MTMR8: variants seen among roughly 807,000 people sequenced by gnomAD.
The protein encoded by MTMR8 is myotubularin related protein 8.
In MTMR8, 65 loss-of-function variants were observed where a neutral mutation model predicts 39.3. The observed-to-expected ratio is 1.65, with a 90% CI of 1.35 to 2.03. The LOEUF is 2.03. Among genes scored for constraint, MTMR8 ranks in the 30% most tolerant of loss-of-function variants. The pLI is 0.00. For missense variants in MTMR8, 777 were observed against 538.9 expected, an observed-to-expected ratio of 1.44 and a Z score of -4.37; for synonymous variants, 245 against 185.2, an observed-to-expected ratio of 1.32 and a Z score of -2.62.
At chrX:64,306,274 C>G (rs943644493) in intron 12 of MTMR8, 1 of 323,550 alleles carries the variant, frequency 3.1e-6, no homozygotes, top group Non-Finnish European at 6.1e-6. Flanking sequence ...AAATGTGGCA[C>G]AGCATTGGAC....
chrX:64,346,285 A>G (rs1460262315), intron 6 of MTMR8, among the ~76,000 whole-genome samples: 1 of 111,497 alleles, frequency 9.0e-6, no homozygotes, highest in Non-Finnish European at 1.9e-5. Context: ...TTAAAAGAAT[A>G]CAAAAACCTC....
intron 12 of MTMR8, among the ~76,000 whole-genome samples, chrX:64,287,645 C>T (rs182813286): frequency 7.7e-4 from 84 of 109,708 alleles, no homozygotes; most frequent in African/African-American, 2.6e-3. Context: ...AGAACAGAGC[C>T]CTCAGAAATA....
intron 1 of MTMR8, among the ~76,000 whole-genome samples, chrX:64,393,789 G>T (rs1924753321): frequency 8.9e-6 from 1 of 112,164 alleles, no homozygotes; most frequent in Non-Finnish European, 1.9e-5. Context: ...CAGAAAAAAA[G>T]GTTAAAGGTT....
In MTMR8 at chrX:64,281,188, G is replaced by T. The variant is rs192844214; in HGVS notation, c.1482-10115C>A. Among the ~76,000 whole-genome samples, 17 of 111,521 alleles carry T rather than the reference G, an allele frequency of 1.5e-4. 1 individual carries two copies. The highest frequency in any genetic ancestry group is 4.9e-4 in the African/African-American group (15 of 30,742). ...ACTATTGACATTTTACATAGAATTA[G>T]AAATAACTACTTAAAAATTAATATG... On this transcript the variant is annotated intron_variant, in intron 12 of 13. Coordinates refer to ENST00000374852, the MANE Select transcript of MTMR8 (RefSeq NM_017677.4).
chrX:64,273,394 C>T (rs1340643941), intron 12 of MTMR8, among the ~76,000 whole-genome samples: 1 of 107,015 alleles, frequency 9.3e-6, no homozygotes, highest in Non-Finnish European at 1.9e-5. Flanking sequence ...ATGTAAGCCC[C>T]ATTGTAGTTA....
At chrX:64,383,462 A>T (rs1024713039) in intron 1 of MTMR8, among the ~76,000 whole-genome samples, 1 of 109,057 alleles carries the variant, frequency 9.2e-6, no homozygotes, top group Admixed American at 9.9e-5. Context: ...TATTATACAT[A>T]CATAATTTAT....
chrX:64,323,772 T>C (rs1922716918), intron 12 of MTMR8, among the ~76,000 whole-genome samples: 1 of 111,879 alleles, frequency 8.9e-6, no homozygotes. Context: ...TTCTGAAAAT[T>C]CACAAATACA....
intron 10 of MTMR8, among the ~76,000 whole-genome samples, chrX:64,332,217 G>A (rs899243836): frequency 1.8e-5 from 2 of 111,915 alleles, no homozygotes; most frequent in Non-Finnish European, 3.8e-5. Context: ...ATAGTGCCTG[G>A]CACAAAATAG....
At chrX:64,377,526 C>T (rs1006347248) in intron 1 of MTMR8, among the ~76,000 whole-genome samples, 1 of 112,595 alleles carries the variant, frequency 8.9e-6, no homozygotes, top group Non-Finnish European at 1.9e-5. Flanking sequence ...GGGTTTCAAA[C>T]TTGCATGGTG....
intron 1 of MTMR8, among the ~76,000 whole-genome samples, chrX:64,371,413 T>C (rs1196451071): frequency 8.9e-6 from 1 of 112,018 alleles, no homozygotes; most frequent in Non-Finnish European, 1.9e-5. Context: ...AATACTAGCA[T>C]GGTTGTGGTA....
At chrX:64,306,335 A>C (rs1016226650) in intron 12 of MTMR8, 6 of 280,406 alleles carry the variant, frequency 2.1e-5, no homozygotes, top group Admixed American at 1.7e-4. Context: ...TGTTTGTCAA[A>C]GCCCATGCAG....
At chrX:64,337,147 A>G in intron 9 of MTMR8, 121 bp downstream of exon 9, 1 of 734,986 alleles carries the variant, frequency 1.4e-6, no homozygotes, top group Non-Finnish European at 2.0e-6. Context: ...CTAAATTGGA[A>G]AAGCTATTTT....
chrX:64,307,518 C>A (rs1034624094), intron 12 of MTMR8, among the ~76,000 whole-genome samples: 4 of 111,326 alleles, frequency 3.6e-5, no homozygotes, highest in Admixed American at 9.6e-5. Context: ...CTGTGCAGGT[C>A]GGCTTTTGGG....
chrX:64,361,780 A>T (rs1181680458), intron 1 of MTMR8, among the ~76,000 whole-genome samples: 1 of 111,206 alleles, frequency 9.0e-6, no homozygotes, highest in Admixed American at 9.6e-5. Context: ...GACAAACTTG[A>T]CTCTAACTAT....
rs1924579549 is a variant in MTMR8 at position 64,387,084 on chromosome X, C to T, written c.24+8256G>A. 2.7e-5 allele frequency among the ~76,000 whole-genome samples: 3 copies of T among 110,852 alleles called. No homozygotes were observed. In the South Asian group the frequency reaches 1.2e-3, roughly 43 times the overall value. ...AGAAAAGAAAGAAACTAGGCTTGCC[C>T]CTGCTAGACAAAGTGTATTGTGATT... On this transcript the variant is annotated intron_variant, in intron 1 of 13. Transcript: ENST00000374852.
At chrX:64,346,742 C>T (rs977996634) in intron 6 of MTMR8, among the ~76,000 whole-genome samples, 2 of 110,188 alleles carry the variant, frequency 1.8e-5, no homozygotes, top group African/African-American at 6.6e-5. Context: ...TTAAAAGGGG[C>T]TTTTTGGTGT....
At position 64,337,327 on chromosome X, in the gene MTMR8, C is replaced by T. The variant is rs2147224042; in HGVS notation, c.1042G>A (p.Val348Ile). The T allele has an allele frequency of 2.5e-6, 3 of 1,209,944 alleles. No homozygotes were observed. The East Asian group carries it at 8.9e-5, about 36-fold the overall frequency. Residue 348 changes from valine (V) to isoleucine (I), a missense_variant, in exon 9 of 14, where the codon GTC (valine) becomes ATC (isoleucine). Physicochemically the swap from Val to Ile is conservative, Grantham distance 29. Coordinates refer to ENST00000374852, the MANE Select transcript of MTMR8 (RefSeq NM_017677.4). The part of the protein sequence containing the change: ...CSDGWDRTAQ[V>I]CSVASILLDP... ...AGGAGGATGCTAGCCACTGAGCAGA[C>T]TTGTGCTGTGCGGTCCCATCCATCA... is the stretch of plus-strand genomic sequence containing the variant.
At chrX:64,294,346 A>T (rs188431754) in intron 12 of MTMR8, among the ~76,000 whole-genome samples, 1 of 111,797 alleles carries the variant, frequency 8.9e-6, no homozygotes, top group East Asian at 2.8e-4. Context: ...GGTGAAGAGT[A>T]TATTTTTTCC....
At chrX:64,380,148 T>C (rs1924374025) in intron 1 of MTMR8, among the ~76,000 whole-genome samples, 1 of 112,254 alleles carries the variant, frequency 8.9e-6, no homozygotes, top group South Asian at 3.7e-4. Context: ...ACTGTGCCAG[T>C]TTCCCAACTA....
Sources: gnomAD v4.1 joint callset for allele counts (sites outside exome capture counted in the v4.1 genomes callset) on GRCh38, gnomAD v4.1.1 for gene constraint, MANE v1.5 for transcripts, NCBI Gene and HGNC (gene_info 2026-07-23, HGNC 2026-07-21) for gene names.